The following LANCL2 variants were observed in gnomAD, a reference collection of about 807,000 sequenced individuals.
The protein encoded by LANCL2 is LanC like glutathione S-transferase 2, also known as lanC-like protein 2.
LANCL2 carries 33 observed loss-of-function variants against 56.9 expected under a neutral mutation model. The ratio of observed to expected loss-of-function variants is 0.58; its 90% confidence interval spans 0.44 to 0.78. LANCL2 has a LOEUF of 0.78. Among genes scored for constraint, LANCL2 ranks in the 30% least tolerant of loss-of-function variants. The pLI is 0.00. For missense variants in LANCL2, 562 were observed against 580.2 expected (o/e 0.97, Z 0.32); for synonymous variants, 233 against 228.2 (o/e 1.02, Z -0.19).
At chr7:55,381,772 C>T (rs534491948) in intron 1 of LANCL2, among the ~76,000 whole-genome samples, 10 of 152,332 alleles carry the variant, frequency 6.6e-5, no homozygotes, top group African/African-American at 2.4e-4. Context: ...GTGTATCTCA[C>T]ACAGATGGCT....
intron 4 of LANCL2, among the ~76,000 whole-genome samples, chr7:55,400,328 C>G (rs1317598888): frequency 6.6e-6 from 1 of 152,200 alleles, no homozygotes; most frequent in Non-Finnish European, 1.5e-5. Flanking sequence ...TGGAGCTAAA[C>G]AGCAGCAGCT....
At chr7:55,413,696 T>C (rs1568824) in intron 6 of LANCL2, among the ~76,000 whole-genome samples, 97,212 of 152,156 alleles carry the variant, frequency 0.64, 31,550 homozygotes, top group Admixed American at 0.71. Flanking sequence ...GGCTTCTGCA[T>C]AGAATACCAT....
At chr7:55,424,365 A>T (rs1461130748) in intron 6 of LANCL2, among the ~76,000 whole-genome samples, 1 of 152,108 alleles carries the variant, frequency 6.6e-6, no homozygotes, top group African/African-American at 2.4e-5. Context: ...GACCCCAGAA[A>T]GCTTTGTGCC....
At chr7:55,372,579 A>T (rs1396637831) in intron 1 of LANCL2, among the ~76,000 whole-genome samples, 1 of 152,268 alleles carries the variant, frequency 6.6e-6, no homozygotes. Flanking sequence ...CATTTAAAAC[A>T]TTCAGAACGG....
intron 6 of LANCL2, among the ~76,000 whole-genome samples, chr7:55,423,872 G>A (rs554239377): frequency 1.1e-4 from 16 of 152,200 alleles, no homozygotes; most frequent in South Asian, 8.3e-4. Flanking sequence ...GGTGTCCTGC[G>A]TCTGATTCCC....
intron 7 of LANCL2, among the ~76,000 whole-genome samples, chr7:55,426,246 A>G (rs573456061): frequency 6.6e-6 from 1 of 152,232 alleles, no homozygotes; most frequent in Non-Finnish European, 1.5e-5. Context: ...CTACACTAGT[A>G]CTTGGAGCAG....
In LANCL2 at chr7:55,384,381, G is replaced by A. The variant is rs559527446; in HGVS notation, c.205-7412G>A. Among the ~76,000 whole-genome samples, 168 of 152,100 alleles carry A rather than the reference G, an allele frequency of 1.1e-3. 1 individual carries two copies. Among genetic ancestry groups the A allele is most frequent in the Non-Finnish European group, 2.0e-3 (137 of 67,990 alleles). On this transcript the variant is annotated intron_variant, in intron 1 of 8. Transcript: ENST00000254770. ...ATCCTGGCTAACACGGTGAAACCCC[G>A]TCTCTACTAAACATACAAAAATTAG...
At chr7:55,395,276 AC>A (rs1790237597) in intron 2 of LANCL2, among the ~76,000 whole-genome samples, 1 of 152,206 alleles carries the variant, frequency 6.6e-6, no homozygotes. Context: ...AGAAAAACGC[AC>A]CAGGAAAATG....
chr7:55,403,570 T>G (rs1259758448), intron 5 of LANCL2, among the ~76,000 whole-genome samples: 1 of 56,398 alleles, frequency 1.8e-5, no homozygotes, highest in Non-Finnish European at 3.8e-5. Flanking sequence ...TTGTTTGTTG[T>G]TTTTTTTTTT....
intron 6 of LANCL2, among the ~76,000 whole-genome samples, chr7:55,420,580 C>T (rs1790597549): frequency 6.6e-6 from 1 of 152,224 alleles, no homozygotes; most frequent in Admixed American, 6.5e-5. Context: ...TTGTTCAGAT[C>T]TTCAATTACA....
Position 55,391,785 on chromosome 7 carries a change from G to T in LANCL2, c.205-8G>T. Reference sequence around the variant, plus strand: ...GAAGTTAAAGTTATCTCTTCTTTTGGATCTCAGATCATTCATAATTTCATA... The same window carrying T: ...GAAGTTAAAGTTATCTCTTCTTTTGTATCTCAGATCATTCATAATTTCATA... On this transcript the variant is annotated splice_polypyrimidine_tract_variant and splice_region_variant and intron_variant, in intron 1 of 8. Transcript: ENST00000254770. 1.4e-6 allele frequency: 2 copies of T among 1,443,610 alleles called. No individual in the cohort carries two copies. The highest frequency in any genetic ancestry group is 1.9e-6 in the Non-Finnish European group (2 of 1,026,790). 89.4% of individuals were successfully genotyped at this position (1,443,610 alleles called of 1,614,324 possible). A position where few individuals can be genotyped will look rare whatever the true frequency, so the allele number is the denominator to read the frequency against.
intron 1 of LANCL2, among the ~76,000 whole-genome samples, chr7:55,376,676 A>G (rs1267261980): frequency 6.6e-6 from 1 of 152,240 alleles, no homozygotes; most frequent in Non-Finnish European, 1.5e-5. Flanking sequence ...GTCTTCGGAT[A>G]TCAGTCTACA....
chr7:55,414,207 C>A (rs1375007209), intron 6 of LANCL2, among the ~76,000 whole-genome samples: 1 of 152,098 alleles, frequency 6.6e-6, no homozygotes, highest in Non-Finnish European at 1.5e-5. Context: ...ACAGACCCTG[C>A]GCCGTGGAGT....
At chr7:55,401,383 C>A (rs1790323367) in intron 5 of LANCL2, 63 bp downstream of exon 5, 20 of 1,442,676 alleles carry the variant, frequency 1.4e-5, no homozygotes, top group Non-Finnish European at 1.7e-5. Context: ...GGAAATGAAT[C>A]CTGCATATAA....
intron 8 of LANCL2, among the ~76,000 whole-genome samples, chr7:55,429,960 G>A (rs549857330): frequency 1.3e-5 from 2 of 152,370 alleles, no homozygotes; most frequent in East Asian, 1.9e-4. Flanking sequence ...CAAACTGGCC[G>A]GCTGGAGGAG....
At chr7:55,402,148 G>A (rs71528868) in intron 5 of LANCL2, among the ~76,000 whole-genome samples, 28,130 of 135,330 alleles carry the variant, frequency 0.21, 271 homozygotes, top group Non-Finnish European at 0.27. Context: ...CCTCCCGGAC[G>A]GGGCGGCTGG....
At chr7:55,387,070 C>T (rs1015706991) in intron 1 of LANCL2, among the ~76,000 whole-genome samples, 1 of 151,944 alleles carries the variant, frequency 6.6e-6, no homozygotes. Flanking sequence ...TTACCAAAAA[C>T]GCAAAGAAAA....
chr7:55,377,467 C>A (rs1790016216), intron 1 of LANCL2, among the ~76,000 whole-genome samples: 1 of 152,008 alleles, frequency 6.6e-6, no homozygotes. Flanking sequence ...TTCCCCTATT[C>A]CCCCTTCCCC....
At chr7:55,411,237 A>G (rs1168428667) in intron 5 of LANCL2, 1 of 152,204 alleles carries the variant, frequency 6.6e-6, no homozygotes, top group African/African-American at 2.4e-5. Context: ...CCTTTTAAAA[A>G]AACAGTGCCT....
Sources: gnomAD v4.1 joint callset for allele counts (sites outside exome capture counted in the v4.1 genomes callset) on GRCh38, gnomAD v4.1.1 for gene constraint, MANE v1.5 for transcripts, NCBI Gene and HGNC (gene_info 2026-07-23, HGNC 2026-07-21) for gene names.